XKR4: variants seen among roughly 807,000 people sequenced by gnomAD.
XKR4 encodes the protein XK related 4.
XKR4 carries 12 observed loss-of-function variants against 53.9 expected under a neutral mutation model. That is an observed-to-expected ratio of 0.22 (90% CI 0.14 to 0.36). The LOEUF is 0.36. Among genes scored for constraint, XKR4 ranks in the 10% least tolerant of loss-of-function variants. The pLI is 1.00. For synonymous variants in XKR4, 354 were observed against 362.4 expected, an observed-to-expected ratio of 0.98 and a Z score of 0.26; for missense variants, 799 against 859.5, an observed-to-expected ratio of 0.93 and a Z score of 0.88.
At chr8:55,322,239 CTT>C (rs1475649129) in intron 1 of XKR4, among the ~76,000 whole-genome samples, 1 of 152,154 alleles carries the variant, frequency 6.6e-6, no homozygotes. Flanking sequence ...TCTTAACTCG[CTT>C]TTTCACTCGA....
chr8:55,456,300 A>T (rs1585583893), intron 2 of XKR4, among the ~76,000 whole-genome samples: 1 of 152,100 alleles, frequency 6.6e-6, no homozygotes, highest in Non-Finnish European at 1.5e-5. Context: ...GCTTGGTGGC[A>T]TGTGCTTGTC....
At chr8:55,509,579 G>T (rs912743003) in intron 2 of XKR4, among the ~76,000 whole-genome samples, 1 of 152,242 alleles carries the variant, frequency 6.6e-6, no homozygotes, top group Non-Finnish European at 1.5e-5. Flanking sequence ...GTATGGGGAA[G>T]AATCTCTCTA....
chr8:55,321,822 C>G (rs771151781), intron 1 of XKR4, among the ~76,000 whole-genome samples: 12 of 152,088 alleles, frequency 7.9e-5, no homozygotes, highest in Non-Finnish European at 1.5e-4. Flanking sequence ...AACCCCGTCT[C>G]TACTAAAAAT....
chr8:55,265,730 A>C (rs973626432), intron 1 of XKR4, among the ~76,000 whole-genome samples: 1 of 152,068 alleles, frequency 6.6e-6, no homozygotes, highest in African/African-American at 2.4e-5. Flanking sequence ...CTGTAATCCC[A>C]GCATTTTGGG....
intron 2 of XKR4, among the ~76,000 whole-genome samples, chr8:55,499,451 C>T (rs1806404497): frequency 6.6e-6 from 1 of 152,158 alleles, no homozygotes; most frequent in Non-Finnish European, 1.5e-5. Context: ...TATTCCACTC[C>T]AGAGGGCTTC....
At chr8:55,490,838 T>G (rs1414285670) in intron 2 of XKR4, among the ~76,000 whole-genome samples, 1 of 151,656 alleles carries the variant, frequency 6.6e-6, no homozygotes, top group Non-Finnish European at 1.5e-5. Context: ...TTGTGGTTTG[T>G]TTTTTCTGCT....
chr8:55,361,297 A>G (rs1354636198), intron 2 of XKR4, among the ~76,000 whole-genome samples: 1 of 151,912 alleles, frequency 6.6e-6, no homozygotes, highest in East Asian at 1.9e-4. Flanking sequence ...GGGGGAGAGG[A>G]GGGCAGGCAG....
chr8:55,180,680 CGCCACCA>C (rs1386815527), intron 1 of XKR4, among the ~76,000 whole-genome samples: 1 of 152,012 alleles, frequency 6.6e-6, no homozygotes, highest in Non-Finnish European at 1.5e-5. Flanking sequence ...TACAGGCACC[CGCCACCA>C]CACTTGGCTA....
chr8:55,320,284 A>C (rs1301403325), intron 1 of XKR4, among the ~76,000 whole-genome samples: 1 of 152,190 alleles, frequency 6.6e-6, no homozygotes, highest in Admixed American at 6.5e-5. Context: ...ACTTCTGTAC[A>C]ACCTCAAGAC....
At position 55,536,394 on chromosome 8, in the gene XKR4, C is replaced by A. The variant is rs956187320; in HGVS notation, c.*12167C>A. The A allele has an allele frequency of 6.6e-6, 1 of 152,200 alleles. No homozygotes were observed. The highest frequency in any genetic ancestry group is 1.5e-5 in the Non-Finnish European group (1 of 68,038). 9.4% of individuals were successfully genotyped at this position (152,200 alleles called of 1,614,324 possible). ...CCAGATGATTGCGGAACCATCGTCA[C>A]TAAACCAAAGTAGACAAGGAGTTAT... On this transcript the variant is annotated 3_prime_UTR_variant, in exon 3 of 3. Transcript: ENST00000327381.
intron 2 of XKR4, among the ~76,000 whole-genome samples, chr8:55,438,902 A>G (rs1805224906): frequency 6.6e-6 from 1 of 152,172 alleles, no homozygotes; most frequent in Non-Finnish European, 1.5e-5. Flanking sequence ...TTCTATTGAC[A>G]GAGAAACTGA....
intron 1 of XKR4, among the ~76,000 whole-genome samples, chr8:55,346,685 A>ATATG (rs1554519559): frequency 1.4e-5 from 2 of 138,396 alleles, no homozygotes; most frequent in Non-Finnish European, 3.1e-5. Flanking sequence ...TGTTGAGGTT[A>ATATG]TGTGTGTGTG....
At chr8:55,494,715 T>C (rs1806317183) in intron 2 of XKR4, among the ~76,000 whole-genome samples, 1 of 152,162 alleles carries the variant, frequency 6.6e-6, no homozygotes, top group South Asian at 2.1e-4. Context: ...TATAGCTGGT[T>C]GTCTGTCCTT....
chr8:55,218,883 A>G (rs1817839331), intron 1 of XKR4, among the ~76,000 whole-genome samples: 2 of 152,200 alleles, frequency 1.3e-5, no homozygotes. Context: ...GTTCTGTAGG[A>G]ATTGTTCTCA....
intron 2 of XKR4, among the ~76,000 whole-genome samples, chr8:55,477,067 T>G (rs1806001211): frequency 6.6e-6 from 1 of 151,316 alleles, no homozygotes. Flanking sequence ...GCACGCAGCT[T>G]GAGATCTGAG....
chr8:55,140,098 A>G (rs1347645901), intron 1 of XKR4: 1 of 415,796 alleles, frequency 2.4e-6, no homozygotes, highest in East Asian at 7.7e-5. Flanking sequence ...ACCTCTTAAG[A>G]GTTTACCAGG....
chr8:55,363,185 A>T (rs1181912160), intron 2 of XKR4, among the ~76,000 whole-genome samples: 1 of 152,108 alleles, frequency 6.6e-6, no homozygotes, highest in African/African-American at 2.4e-5. Flanking sequence ...CTACACCCTA[A>T]GTGTATTTAG....
rs934881379 is a variant in XKR4 at position 55,523,209 on chromosome 8, G to T, written c.1007-72G>T. 11 of 1,369,538 alleles carry T rather than the reference G, an allele frequency of 8.0e-6. No individual in the cohort carries two copies. In the East Asian group the frequency reaches 2.5e-4, roughly 31 times the overall value. The allele number at this position is 1,369,538 out of a possible 1,614,324, so 84.8% of individuals were successfully genotyped here. On this transcript the variant is annotated intron_variant, in intron 2 of 2. Transcript: ENST00000327381. ...AAAGCCAGCCTTCCCCAAGCCCCCA[G>T]CTCTGTGTGACTTCCAGGGGGCATT...
At chr8:55,346,036 T>C (rs907630709) in intron 1 of XKR4, among the ~76,000 whole-genome samples, 1 of 151,948 alleles carries the variant, frequency 6.6e-6, no homozygotes, top group Non-Finnish European at 1.5e-5. Flanking sequence ...AGAGGAGGAA[T>C]GGAGAATCGT....
Sources: allele counts gnomAD v4.1 joint callset (sites outside exome capture counted in the v4.1 genomes callset), GRCh38; gene constraint gnomAD v4.1.1; transcripts MANE v1.5; gene names NCBI Gene and HGNC (gene_info 2026-07-23, HGNC 2026-07-21).